Variants in DPEP2 observed in about 807,000 individuals in gnomAD.
DPEP2 encodes dipeptidase 2.
In DPEP2, 45 loss-of-function variants were observed where a neutral mutation model predicts 51.8. The observed-to-expected ratio is 0.87, with a 90% CI of 0.68 to 1.11. DPEP2 has a LOEUF of 1.11. Ranked by LOEUF, DPEP2 falls within the 50% of genes most tolerant of loss-of-function variation. The pLI, the probability that DPEP2 is intolerant of heterozygous loss-of-function variation, is 0.00. For missense variants in DPEP2, 604 were observed against 631.9 expected (o/e 0.96, Z 0.47); for synonymous variants, 255 against 262.7 (o/e 0.97, Z 0.28).
chr16:67,992,514 G>T lies in DPEP2; in HGVS notation c.386C>A (p.Ala129Asp), dbSNP rs547766230. 1 of 1,610,598 alleles carries T rather than the reference G, an allele frequency of 6.2e-7. No individual in the cohort carries two copies. The highest frequency in any genetic ancestry group is 8.5e-7 in the Non-Finnish European group (1 of 1,177,546). ...CCTCGTGTATCCCTGTGGTACCTGG[G>T]CGCCCACGAGGCCATCTCTAAGCCT... is the stretch of plus-strand genomic sequence containing the variant. ...LDRLRDGLVG[A>D]QFWSAYVPCQ... Residue 129 changes from alanine (A) to aspartate (D), a missense_variant, in exon 3 of 11, where the codon GCC becomes GAC. By Grantham distance (126) the Ala-to-Asp change is moderately radical (BLOSUM62 -2). Coordinates refer to ENST00000393847, the MANE Select transcript of DPEP2 (RefSeq NM_022355.4).
intron 1 of DPEP2, among the ~76,000 whole-genome samples, chr16:67,998,640 C>A (rs981233221): frequency 6.6e-6 from 1 of 152,248 alleles, no homozygotes; most frequent in African/African-American, 2.4e-5. Context: ...CACCTGCATC[C>A]CTGGTGCGGG....
rs1413180898 is a variant in DPEP2, at chr16:67,992,200, G to A, written c.391-7C>T. On this transcript the variant is annotated splice_region_variant and splice_polypyrimidine_tract_variant and intron_variant, in intron 3 of 10. Coordinates refer to ENST00000393847, the MANE Select transcript of DPEP2 (RefSeq NM_022355.4). ...GCACATAGGCTGACCAGAACTGGGG[G>A]GAAGGCCAGGGTTTGGCTTGGATGG... is the stretch of plus-strand genomic sequence containing the variant. 3 of 1,613,522 alleles carry A rather than the reference G, an allele frequency of 1.9e-6. No individual in the cohort carries two copies. Among genetic ancestry groups the A allele is most frequent in the Middle Eastern group, 1.7e-4 (1 of 6,054 alleles).
intron 1 of DPEP2, among the ~76,000 whole-genome samples, chr16:67,998,695 G>A (rs113704872): frequency 0.13 from 19,401 of 152,110 alleles, 1,346 homozygotes; most frequent in South Asian, 0.21. Flanking sequence ...TGGTGGGGAC[G>A]TGGACAATCT....
rs574279521 is a variant in DPEP2 at position 67,992,557 on chromosome 16, C to T, written c.343G>A (p.Gly115Ser). ...QDVNLRNFSYGQTSLDRLRDG... is the reference protein window; with the variant it reads ...QDVNLRNFSYSQTSLDRLRDG... ...CTAAGCCTGTCCAGGCTGGTCTGGC[C>T]GTAGCTGAAATTGCGCAGGTTAACA... The change falls in exon 3 of 11, where the codon GGC becomes AGC. Residue 115 changes from glycine (G) to serine (S), a missense_variant. By Grantham distance (56) the Gly-to-Ser change is moderately conservative. Coordinates refer to ENST00000393847, the MANE Select transcript of DPEP2 (RefSeq NM_022355.4). The T allele has an allele frequency of 1.3e-5, 21 of 1,614,122 alleles. No individual in the cohort carries two copies. The South Asian group carries it at 1.8e-4, about 14-fold the overall frequency.
chr16:67,991,770 C>G lies in DPEP2; in HGVS notation c.662+68G>C. 1 of 1,579,226 alleles carries G rather than the reference C, an allele frequency of 6.3e-7. No individual in the cohort carries two copies. The highest frequency in any genetic ancestry group is 1.2e-5 in the South Asian group (1 of 85,266). ...TCCCATGGGTAAAGCTTGTTCTGGG[C>G]CCACAGTGACCTCAGGCAGATCTCT... On this transcript the variant is annotated intron_variant, in intron 5 of 10. Transcript: ENST00000393847. The surrounding 1 kb of genome is among the most constrained non-coding windows in gnomAD (Gnocchi z 5.1).
In DPEP2 at chr16:67,990,142, G is replaced by A. The variant is rs751440469; in HGVS notation, c.910-11C>T. 1.7e-5 allele frequency: 27 copies of A among 1,613,582 alleles called. No homozygotes were observed. In the South Asian group the frequency reaches 1.9e-4, roughly 11 times the overall value. The stretch of plus-strand genomic sequence containing the variant: ...GCCACCGTTCTTCTTCTGCAGGGGC[G>A]GGCAAGTGGACACTTAGCCTGGCCC... On this transcript the variant is annotated splice_polypyrimidine_tract_variant and intron_variant, in intron 7 of 10. Transcript: ENST00000393847.
chr16:67,994,130 A>G (rs2032516941), intron 1 of DPEP2: 1 of 985,304 alleles, frequency 1.0e-6, no homozygotes, highest in Non-Finnish European at 1.2e-6. Context: ...AGTCTTGTCT[A>G]GGGCAGCAGA....
At chr16:67,990,152 A>G (rs376566235) in intron 7 of DPEP2, 21 bp from the exon 8 acceptor site, 5 of 1,612,760 alleles carry the variant, frequency 3.1e-6, no homozygotes, top group Non-Finnish European at 3.4e-6. Flanking sequence ...GGGCAAGTGG[A>G]CACTTAGCCT....
rs1276631502 is a variant in DPEP2 at position 67,987,498 on chromosome 16, C to T, written c.*8G>A. 1 of 1,603,770 alleles carries T rather than the reference C, an allele frequency of 6.2e-7. No individual in the cohort carries two copies. The highest frequency in any genetic ancestry group is 1.7e-5 in the Admixed American group (1 of 59,870). Reference sequence around the variant, plus strand: ...CTACAGTGACATCTGGCAGGACTAACTGGGTCATCAGAGCCACAGAATAAG... The same window carrying T: ...CTACAGTGACATCTGGCAGGACTAATTGGGTCATCAGAGCCACAGAATAAG... On this transcript the variant is annotated 3_prime_UTR_variant, in exon 11 of 11. Coordinates refer to ENST00000393847, the MANE Select transcript of DPEP2 (RefSeq NM_022355.4).
Position 67,993,226 on chromosome 16 carries a change from G to GGGCA in DPEP2, c.-18_-15dup. 2 of 1,427,292 alleles carry GGGCA rather than the reference G, an allele frequency of 1.4e-6. No individual in the cohort carries two copies. The highest frequency in any genetic ancestry group is 1.8e-6 in the Non-Finnish European group (2 of 1,086,530). 88.4% of individuals were successfully genotyped at this position (1,427,292 alleles called of 1,614,324 possible). On this transcript the variant is annotated 5_prime_UTR_variant, in exon 2 of 11. Coordinates refer to ENST00000393847, the MANE Select transcript of DPEP2 (RefSeq NM_022355.4). ...GGAGGGCTGCATGTTGTGCAGGGCC[G>GGGCA]GGCAGGCAGGCAGGGGTGGCAGTCA...
rs2031546750 is a variant in DPEP2, at chr16:67,987,582, A to C, written c.1385T>G (p.Val462Gly). 1 of 1,614,002 alleles carries C rather than the reference A, an allele frequency of 6.2e-7. No individual in the cohort carries two copies. The highest frequency in any genetic ancestry group is 1.3e-5 in the African/African-American group (1 of 74,900). Residue 462 changes from valine to glycine, a missense_variant, in exon 11 of 11, where the codon GTC (valine) becomes GGC (glycine). Physicochemically the swap from Val to Gly is moderately radical, Grantham distance 109. Coordinates refer to ENST00000393847, the MANE Select transcript of DPEP2 (RefSeq NM_022355.4). ...GGCCATGTGGGGGGAGGACTCTGAG[A>C]CTGACCACTTGGCTGGTAACTTGGC... is the stretch of plus-strand genomic sequence containing the variant. ...WTAKLPAKWSVSESSPHMAPV... is the reference protein window; with the variant it reads ...WTAKLPAKWSGSESSPHMAPV...
At chr16:67,995,836 C>T (rs56303487) in intron 1 of DPEP2, among the ~76,000 whole-genome samples, 33,144 of 151,604 alleles carry the variant, frequency 0.22, 3,853 homozygotes, top group Middle Eastern at 0.3. Flanking sequence ...TGGTGGTGCG[C>T]GCCTGTAGTC....
intron 8 of DPEP2, 156 bp downstream of exon 8, chr16:67,989,891 G>T: frequency 3.9e-6 from 1 of 256,388 alleles, no homozygotes; most frequent in East Asian, 1.8e-4. Context: ...CAGGACCGCA[G>T]CACTGACTCT....
chr16:67,990,063 A>G lies in DPEP2; in HGVS notation c.978T>C (p.Asn326=). Residue 326 remains asparagine, a synonymous_variant, in exon 8 of 11, where the codon AAT becomes AAC. Transcript: ENST00000393847. The part of the protein sequence containing the change: ...MGVIQCNPSA[N]VSTVADHFDH... ...GGGAGTTACCTGCCACAGTGGACAC[A>G]TTGGCTGATGGGTTGCACTGTATTA... is the stretch of plus-strand genomic sequence containing the variant. 6.2e-7 allele frequency: 1 copy of G among 1,614,194 alleles called. No individual in the cohort carries two copies. The highest frequency in any genetic ancestry group is 2.2e-5 in the East Asian group (1 of 44,882).
At chr16:67,998,513 C>T (rs2032835912) in intron 1 of DPEP2, among the ~76,000 whole-genome samples, 2 of 152,340 alleles carry the variant, frequency 1.3e-5, no homozygotes, top group Admixed American at 6.5e-5. Flanking sequence ...TCCATGGGCT[C>T]CTGTGCGGCC....
Position 67,987,727 on chromosome 16 carries a change from C to T in DPEP2, c.1240G>A (p.Glu414Lys), listed in dbSNP as rs1445979325. The T allele has an allele frequency of 1.2e-6, 2 of 1,613,926 alleles. No individual in the cohort carries two copies. The highest frequency in any genetic ancestry group is 1.7e-6 in the Non-Finnish European group (2 of 1,179,816). Residue 414 changes from glutamate (E) to lysine (K), a missense_variant, in exon 11 of 11, where the codon GAG (glutamate) becomes AAG (lysine). By Grantham distance (56) the Glu-to-Lys change is moderately conservative. Coordinates refer to ENST00000393847, the MANE Select transcript of DPEP2 (RefSeq NM_022355.4). ...QEENKWQSPL[E>K]DKFPDEQLSS... ...AGCTGCTCATCCGGGAACTTGTCCT[C>T]CAAGGGGCTTTGCCATTTGTTTTCT...
chr16:67,990,796 G>A, intron 7 of DPEP2, 25 bp downstream of exon 7: 1 of 1,600,648 alleles, frequency 6.2e-7, no homozygotes, highest in Non-Finnish European at 8.5e-7. Flanking sequence ...CTTGCTTTAG[G>A]TTCCTGGGCT....
intron 8 of DPEP2, among the ~76,000 whole-genome samples, chr16:67,989,721 G>A (rs2031884510): frequency 6.6e-6 from 1 of 152,192 alleles, no homozygotes; most frequent in Admixed American, 6.5e-5. Flanking sequence ...AGATGACGGA[G>A]GGACAAAGAG....
At chr16:67,990,715 C>T in intron 7 of DPEP2, 106 bp downstream of exon 7, 5 of 1,304,710 alleles carry the variant, frequency 3.8e-6, no homozygotes, top group Admixed American at 2.1e-5. Flanking sequence ...CAGCCCACCT[C>T]AGCCTCCCAA....
Sources: gnomAD v4.1 joint callset for allele counts (sites outside exome capture counted in the v4.1 genomes callset) on GRCh38, gnomAD v4.1.1 for gene constraint, Gnocchi (gnomAD v3.1) non-coding constraint, MANE v1.5 for transcripts, NCBI Gene and HGNC (gene_info 2026-07-23, HGNC 2026-07-21) for gene names.